CELF6: variants seen among roughly 807,000 people sequenced by gnomAD.
The protein encoded by CELF6 is CUGBP Elav-like family member 6.
In CELF6, 32 loss-of-function variants were observed where a neutral mutation model predicts 53.1. That is an observed-to-expected ratio of 0.60 (90% CI 0.46 to 0.81). The LOEUF (loss-of-function observed/expected upper bound fraction) is 0.81. CELF6 is among the 30% of genes least tolerant of loss of function. The pLI is 0.00. For missense variants in CELF6, 539 were observed against 669.5 expected (o/e 0.81, Z 2.15); for synonymous variants, 291 against 288.8 (o/e 1.01, Z -0.08).
In CELF6 at chr15:72,287,268, G is replaced by A; in HGVS notation, c.1443C>T (p.Tyr481=). 1 of 1,613,930 alleles carries A rather than the reference G, an allele frequency of 6.2e-7. No individual in the cohort carries two copies. Among genetic ancestry groups the A allele is most frequent in the African/African-American group, 1.3e-5 (1 of 75,048 alleles). The change falls in exon 12 of 13, where the codon TAC becomes TAT. Residue 481 remains tyrosine (Y), a synonymous_variant. Coordinates refer to ENST00000287202, the MANE Select transcript of CELF6 (RefSeq NM_052840.5). ...LKRPKDANRP[Y] ...GTGGCTGGTCAGTGAAAGCAGGTCA[G>A]TAAGGCCGGTTGGCATCCTTGGGCC...
Position 72,288,749 on chromosome 15 carries a change from GGGGTAGGA to G in CELF6, c.1093+111_1093+118del. Reference sequence around the variant, plus strand: ...CCTCACCCCAAGAGAGGTCGTTCTGGGGGTAGGAGGGGATGGGAGGATCAACTCCTTGG... The same window carrying G: ...CCTCACCCCAAGAGAGGTCGTTCTGGGGGGATGGGAGGATCAACTCCTTGG... On this transcript the variant is annotated intron_variant, in intron 9 of 12. Coordinates refer to ENST00000287202, the MANE Select transcript of CELF6 (RefSeq NM_052840.5). This position sits in a 1 kb window ranked among gnomAD's most constrained non-coding sequence, Gnocchi z 4.6. The G allele has an allele frequency of 7.5e-7, 1 of 1,339,972 alleles. No homozygotes were observed. The highest frequency in any genetic ancestry group is 1.0e-6 in the Non-Finnish European group (1 of 953,104). The allele number at this position is 1,339,972 out of a possible 1,614,324, so 83.0% of individuals were successfully genotyped here. A position where few individuals can be genotyped will look rare whatever the true frequency, so the allele number is the denominator to read the frequency against.
chr15:72,292,720 G>A (rs369133488), intron 3 of CELF6, among the ~76,000 whole-genome samples: 1 of 152,314 alleles, frequency 6.6e-6, no homozygotes, highest in African/African-American at 2.4e-5. Context: ...CTTTTCCAGT[G>A]AGAATCTCAC....
rs759524400 is a variant in CELF6 at position 72,290,158 on chromosome 15, C to G, written c.492G>C (p.Thr164=). The G allele has an allele frequency of 6.2e-7, 1 of 1,614,046 alleles. No homozygotes were observed. Among genetic ancestry groups the G allele is most frequent in the Admixed American group, 1.7e-5 (1 of 60,026 alleles). ...FQPFGHIEEC[T]VLRSPDGTSK... ...TGGTGCCGTCAGGACTCCGCAGGAC[C>G]GTGCACTCCTCGATGTGGCCAAAGG... The change falls in exon 4 of 13, where the codon ACG becomes ACC. Residue 164 remains threonine, a synonymous_variant. Transcript: ENST00000287202.
Position 72,289,756 on chromosome 15 carries a change from G to T in CELF6, c.618C>A (p.Ser206Arg), listed in dbSNP as rs1435546157. The T allele has an allele frequency of 2.1e-6, 3 of 1,455,800 alleles. No homozygotes were observed. The highest frequency in any genetic ancestry group is 2.6e-5 in the Admixed American group (1 of 38,010). 90.2% of individuals were successfully genotyped at this position (1,455,800 alleles called of 1,614,324 possible). The change falls in exon 6 of 13, where the codon AGC becomes AGA. Residue 206 changes from serine to arginine, a missense_variant. This residue lies in a region of CELF6 where 358 missense variants were observed against 412.8 expected (regional missense o/e 0.87). Coordinates refer to ENST00000287202, the MANE Select transcript of CELF6 (RefSeq NM_052840.5). The surrounding 1 kb of genome is among the most constrained non-coding windows in gnomAD (Gnocchi z 7.6). ...GSRTMAGASSSLVVKLADTDR... is the reference protein window; with the variant it reads ...GSRTMAGASSRLVVKLADTDR... ...CGGTGTCCGCCAGCTTGACCACGAG[G>T]CTGGACGAGGCGCCCTGGGCAGGGC...
At chr15:72,287,972 G>T (rs1474370181) in intron 11 of CELF6, among the ~76,000 whole-genome samples, 2 of 152,050 alleles carry the variant, frequency 1.3e-5, no homozygotes, top group African/African-American at 4.8e-5. Flanking sequence ...TGAGTAGCTG[G>T]GATTACAGGC....
chr15:72,298,482 A>C (rs1366277720), intron 3 of CELF6, among the ~76,000 whole-genome samples: 1 of 152,242 alleles, frequency 6.6e-6, no homozygotes, highest in East Asian at 1.9e-4. Context: ...TGAACGTTAA[A>C]AGAAAATAAC....
chr15:72,297,480 C>G (rs1454517088), intron 3 of CELF6, among the ~76,000 whole-genome samples: 1 of 152,146 alleles, frequency 6.6e-6, no homozygotes, highest in East Asian at 1.9e-4. Flanking sequence ...TTACAATAGC[C>G]AAAAGGTTGA....
At chr15:72,297,254 CT>C in intron 3 of CELF6, among the ~76,000 whole-genome samples, 1 of 152,306 alleles carries the variant, frequency 6.6e-6, no homozygotes, top group South Asian at 2.1e-4. Flanking sequence ...TTAACTACAA[CT>C]TTGTATCCTT....
chr15:72,289,327 G>A lies in CELF6; in HGVS notation c.881-40C>T. On this transcript the variant is annotated intron_variant, in intron 7 of 12. Coordinates refer to ENST00000287202, the MANE Select transcript of CELF6 (RefSeq NM_052840.5). The surrounding 1 kb of genome is among the most constrained non-coding windows in gnomAD (Gnocchi z 7.6). Reference sequence around the variant, plus strand: ...GGTCTGAGAGTCAGGCCGCCACCCCGCCCCGCCCGGCCCCTCCCAGGCGCG... The same window carrying A: ...GGTCTGAGAGTCAGGCCGCCACCCCACCCCGCCCGGCCCCTCCCAGGCGCG... The A allele has an allele frequency of 6.6e-7, 1 of 1,525,856 alleles. No individual in the cohort carries two copies. Among genetic ancestry groups the A allele is most frequent in the Non-Finnish European group, 8.8e-7 (1 of 1,141,344 alleles). The allele number at this position is 1,525,856 out of a possible 1,614,324, so 94.5% of individuals were successfully genotyped here. A position where few individuals can be genotyped will look rare whatever the true frequency, so the allele number is the denominator to read the frequency against.
At chr15:72,291,948 G>A (rs1202731692) in intron 3 of CELF6, among the ~76,000 whole-genome samples, 2 of 152,304 alleles carry the variant, frequency 1.3e-5, no homozygotes, top group Admixed American at 1.3e-4. Context: ...AACCTGGTGG[G>A]TGTACTTTGC....
chr15:72,289,363 T>G lies in CELF6; in HGVS notation c.880+12A>C. 6.5e-7 allele frequency: 1 copy of G among 1,544,478 alleles called. No individual in the cohort carries two copies. The highest frequency in any genetic ancestry group is 1.2e-5 in the South Asian group (1 of 84,930). On this transcript the variant is annotated intron_variant, in intron 7 of 12. Coordinates refer to ENST00000287202, the MANE Select transcript of CELF6 (RefSeq NM_052840.5). This position sits in a 1 kb window ranked among gnomAD's most constrained non-coding sequence, Gnocchi z 7.6. Reference sequence around the variant, plus strand: ...CCCCTCCCAGGCGCGCCCCAGTCCCTGGGGGCCGTACCTGCCGCGGGCAAC... The same window carrying G: ...CCCCTCCCAGGCGCGCCCCAGTCCCGGGGGGCCGTACCTGCCGCGGGCAAC...
chr15:72,314,589 G>GTTTTTTTTTTT (rs984879836), intron 2 of CELF6, among the ~76,000 whole-genome samples: 7 of 97,844 alleles, frequency 7.2e-5, no homozygotes, highest in African/African-American at 3.4e-4. Flanking sequence ...AAAACCCAGT[G>GTTTTTTTTTTT]TTTTTTTTTT....
intron 3 of CELF6, among the ~76,000 whole-genome samples, chr15:72,293,045 T>C (rs2088027164): frequency 1.3e-5 from 2 of 152,146 alleles, no homozygotes; most frequent in South Asian, 4.1e-4. Flanking sequence ...TTTTTTTCCA[T>C]TTCCCTGTCA....
At chr15:72,294,863 A>G (rs1414194417) in intron 3 of CELF6, among the ~76,000 whole-genome samples, 1 of 151,612 alleles carries the variant, frequency 6.6e-6, no homozygotes, top group Non-Finnish European at 1.5e-5. Flanking sequence ...CTGTAGTCCC[A>G]GCTACTCGCA....
At chr15:72,306,487 T>C (rs1477397794) in intron 2 of CELF6, among the ~76,000 whole-genome samples, 3 of 131,210 alleles carry the variant, frequency 2.3e-5, no homozygotes, top group South Asian at 5.3e-4. Flanking sequence ...GGTAACGCCC[T>C]GGCAGTCACA....
chr15:72,303,735 T>C (rs2088187359), intron 3 of CELF6, among the ~76,000 whole-genome samples: 1 of 152,050 alleles, frequency 6.6e-6, no homozygotes, highest in Non-Finnish European at 1.5e-5. Flanking sequence ...GATGCAAGGG[T>C]GAGAAAAACA....
In CELF6 at chr15:72,315,034, G is replaced by A. The variant is rs182603335; in HGVS notation, c.345+811C>T. ...TATCTTGTGTCTTTACTTCATCCTC[G>A]TCTCTTTCTTGTAGACAAACGACTC... On this transcript the variant is annotated intron_variant, in intron 2 of 12. Coordinates refer to ENST00000287202, the MANE Select transcript of CELF6 (RefSeq NM_052840.5). 1.5e-3 allele frequency among the ~76,000 whole-genome samples: 233 copies of A among 151,936 alleles called. 2 individuals carry two copies. Among genetic ancestry groups the A allele is most frequent in the Admixed American group, 9.1e-3 (139 of 15,268 alleles).
rs1427588293 is a variant in CELF6 at position 72,319,442 on chromosome 15, G to A, written c.262+171C>T. Among the ~76,000 whole-genome samples, 1 of 152,068 alleles carries A rather than the reference G, an allele frequency of 6.6e-6. No homozygotes were observed. Among genetic ancestry groups the A allele is most frequent in the African/African-American group, 2.4e-5 (1 of 41,386 alleles). On this transcript the variant is annotated intron_variant, in intron 1 of 12. Coordinates refer to ENST00000287202, the MANE Select transcript of CELF6 (RefSeq NM_052840.5). The surrounding 1 kb of genome is among the most constrained non-coding windows in gnomAD (Gnocchi z 5.0). ...GGGACCACAGTGATAATCAGAGGGA[G>A]GATGTCAGAGAGAAAATTCTGTGAT... is the stretch of plus-strand genomic sequence containing the variant.
chr15:72,299,079 G>T (rs961770724), intron 3 of CELF6, among the ~76,000 whole-genome samples: 2 of 151,850 alleles, frequency 1.3e-5, no homozygotes, highest in South Asian at 4.2e-4. Context: ...GCGGTAGCAG[G>T]CGCCTCTAGT....
Sources: gnomAD v4.1 joint callset for allele counts (sites outside exome capture counted in the v4.1 genomes callset) on GRCh38, gnomAD v4.1.1 for gene constraint, gnomAD v4.1.1 regional missense constraint, Gnocchi (gnomAD v3.1) non-coding constraint, MANE v1.5 for transcripts, NCBI Gene and HGNC (gene_info 2026-07-23, HGNC 2026-07-21) for gene names.